The following ACADM variants were observed in gnomAD, a reference collection of about 807,000 sequenced individuals.
The protein encoded by ACADM is acyl-CoA dehydrogenase medium chain.
In ACADM, 49 loss-of-function variants were observed where a neutral mutation model predicts 58.9. The observed-to-expected ratio is 0.83, with a 90% CI of 0.66 to 1.06. The LOEUF is 1.06. Ranked by LOEUF, ACADM falls within the 50% of genes least tolerant of loss-of-function variation. The pLI is 0.00. For missense variants in ACADM, 496 were observed against 507.0 expected, an observed-to-expected ratio of 0.98 and a Z score of 0.21; for synonymous variants, 160 against 157.7, an observed-to-expected ratio of 1.01 and a Z score of -0.11.
At chr1:75,745,662 A>G in intron 7 of ACADM, 144 bp from the exon 8 acceptor site, 1 of 731,498 alleles carries the variant, frequency 1.4e-6, no homozygotes, top group Non-Finnish European at 2.4e-6. Flanking sequence ...TGACTAGGCA[A>G]GTTTTTAAAC....
At chr1:75,750,630 C>A in intron 10 of ACADM, 84 bp downstream of exon 10, 2 of 921,324 alleles carry the variant, frequency 2.2e-6, no homozygotes, top group Non-Finnish European at 3.5e-6. Context: ...AAACCACAAA[C>A]TAATCAATTT....
In ACADM at chr1:75,745,984, T is replaced by C. The variant is rs908296558; in HGVS notation, c.708+70T>C. 37 of 1,077,480 alleles carry C rather than the reference T, an allele frequency of 3.4e-5. No homozygotes were observed. In the African/African-American group the frequency reaches 5.2e-4, roughly 15 times the overall value. The allele number at this position is 1,077,480 out of a possible 1,614,324, so 66.7% of individuals were successfully genotyped here. ...TATAAATTGCAAAATTACTTAACTTTCCTTTAATAAAAACATTTGTTTGTA... is the reference window on the plus strand; with the variant it reads ...TATAAATTGCAAAATTACTTAACTTCCCTTTAATAAAAACATTTGTTTGTA... On this transcript the variant is annotated intron_variant, in intron 8 of 11. Coordinates refer to ENST00000370841, the MANE Select transcript of ACADM (RefSeq NM_000016.6).
At chr1:75,730,250 T>A (rs1647127309) in intron 2 of ACADM, among the ~76,000 whole-genome samples, 2 of 152,190 alleles carry the variant, frequency 1.3e-5, no homozygotes, top group Admixed American at 6.5e-5. Context: ...CTTGTCACTT[T>A]AAATTTCTCT....
At chr1:75,744,123 G>T in intron 7 of ACADM, 1 of 1,583,556 alleles carries the variant, frequency 6.3e-7, no homozygotes, top group East Asian at 2.2e-5. Context: ...TCTGAATGCA[G>T]ACCTTTGCCA....
Position 75,724,824 on chromosome 1 carries a change from G to A in ACADM, c.30+7G>A. ...GTTCGGGCGATGCTGCAGGGTGAGA[G>A]GGAGCCCAGCGGTGCGGTGGGGCTG... is the stretch of plus-strand genomic sequence containing the variant. On this transcript the variant is annotated splice_region_variant and intron_variant, in intron 1 of 11. Transcript: ENST00000370841. The A allele has an allele frequency of 6.7e-7, 1 of 1,491,318 alleles. No homozygotes were observed. 92.4% of individuals were successfully genotyped at this position (1,491,318 alleles called of 1,614,324 possible).
intron 7 of ACADM, chr1:75,744,736 T>C (rs3207433): frequency 1.4e-6 from 1 of 740,052 alleles, no homozygotes; most frequent in East Asian, 2.5e-5. Flanking sequence ...AGAGAGCGAG[T>C]GGCTGAACGC....
At chr1:75,739,281 T>C (rs1043552742) in intron 6 of ACADM, among the ~76,000 whole-genome samples, 3 of 152,226 alleles carry the variant, frequency 2.0e-5, no homozygotes, top group African/African-American at 7.2e-5. Flanking sequence ...TATAGTTATT[T>C]ATCTTCACTG....
intron 1 of ACADM, among the ~76,000 whole-genome samples, chr1:75,726,769 C>A (rs1647063610): frequency 6.7e-6 from 1 of 149,590 alleles, no homozygotes; most frequent in Admixed American, 6.7e-5. Context: ...TCTGTGACTG[C>A]TGGACAATAA....
At chr1:75,726,566 G>A (rs1211800154) in intron 1 of ACADM, among the ~76,000 whole-genome samples, 2 of 152,152 alleles carry the variant, frequency 1.3e-5, no homozygotes, top group African/African-American at 4.8e-5. Flanking sequence ...TTAATAGCAT[G>A]CGCTCTTGAT....
Position 75,744,275 on chromosome 1 carries a change from G to T in ACADM, c.600-1531G>T. ...TGGGGAGGAACTGCCGCTGCTATAG[G>T]TTCTGCTTTTGGGGCTGCAGCAGCA... On this transcript the variant is annotated intron_variant, in intron 7 of 11. Transcript: ENST00000370841. 6.2e-6 allele frequency: 10 copies of T among 1,613,314 alleles called. No individual in the cohort carries two copies. In the South Asian group the frequency reaches 8.8e-5, roughly 14 times the overall value.
At chr1:75,743,788 G>A (rs1442101939) in intron 7 of ACADM, 2 of 1,542,580 alleles carry the variant, frequency 1.3e-6, no homozygotes, top group African/African-American at 2.7e-5. Flanking sequence ...CCTGATGACT[G>A]GAACCACCAG....
At chr1:75,752,073 C>G (rs1190642624) in intron 10 of ACADM, among the ~76,000 whole-genome samples, 1 of 150,670 alleles carries the variant, frequency 6.6e-6, no homozygotes, top group Non-Finnish European at 1.5e-5. Flanking sequence ...ATTGCAGCCT[C>G]TTGGGATCAA....
chr1:75,744,184 A>G, intron 7 of ACADM: 11 of 1,571,132 alleles, frequency 7.0e-6, no homozygotes, highest in Non-Finnish European at 9.6e-6. Flanking sequence ...CTGCAGACAC[A>G]GGTTTGCTAG....
At chr1:75,727,020 G>A (rs1186607669) in intron 1 of ACADM, among the ~76,000 whole-genome samples, 1 of 151,868 alleles carries the variant, frequency 6.6e-6, no homozygotes, top group Non-Finnish European at 1.5e-5. Context: ...GGTCAGGCTG[G>A]TCTCAAACCC....
intron 4 of ACADM, 172 bp downstream of exon 4, chr1:75,733,094 A>C: frequency 6.2e-7 from 1 of 1,613,006 alleles, no homozygotes; most frequent in Non-Finnish European, 8.5e-7. Flanking sequence ...CTCTATACCT[A>C]GATGCGTTTT....
intron 6 of ACADM, among the ~76,000 whole-genome samples, chr1:75,735,621 G>A (rs1647236191): frequency 6.6e-6 from 1 of 152,148 alleles, no homozygotes; most frequent in Non-Finnish European, 1.5e-5. Flanking sequence ...GAGAGTCTGA[G>A]GCAGGTGGAT....
At chr1:75,738,741 C>G (rs1004213494) in intron 6 of ACADM, among the ~76,000 whole-genome samples, 1 of 152,090 alleles carries the variant, frequency 6.6e-6, no homozygotes, top group Non-Finnish European at 1.5e-5. Context: ...CCACCATGCT[C>G]GGCCCAGTTT....
intron 1 of ACADM, among the ~76,000 whole-genome samples, chr1:75,726,592 C>A (rs1195215377): frequency 2.0e-5 from 3 of 152,072 alleles, no homozygotes; most frequent in Non-Finnish European, 4.4e-5. Context: ...ATGTTAGAAT[C>A]CTGGTTGCAC....
chr1:75,729,295 C>CTTTTTTTTT (rs35372302), intron 2 of ACADM, among the ~76,000 whole-genome samples: 11 of 85,324 alleles, frequency 1.3e-4, no homozygotes, highest in Admixed American at 4.3e-4. Flanking sequence ...TTTCTTTTTT[C>CTTTTTTTTT]TTTTTTTTTT....
Sources: gnomAD v4.1 joint callset for allele counts (sites outside exome capture counted in the v4.1 genomes callset) on GRCh38, gnomAD v4.1.1 for gene constraint, MANE v1.5 for transcripts, NCBI Gene and HGNC (gene_info 2026-07-23, HGNC 2026-07-21) for gene names.